Variants in TTC29 observed in about 807,000 individuals in gnomAD.
The protein encoded by TTC29 is tetratricopeptide repeat protein 29.
TTC29 carries 49 observed loss-of-function variants against 58.1 expected under a neutral mutation model. That is an observed-to-expected ratio of 0.84 (90% confidence interval 0.67 to 1.07). TTC29 has a LOEUF of 1.07. Ranked by LOEUF, TTC29 falls within the 50% of genes least tolerant of loss-of-function variation. The probability of loss-of-function intolerance (pLI) is 0.00; values close to 1 mark genes in which losing one functional copy is unlikely to be tolerated. For missense variants in TTC29, 582 were observed against 555.6 expected (o/e 1.05, Z -0.48); for synonymous variants, 209 against 196.8 (o/e 1.06, Z -0.52).
chr4:146,838,138 G>C (rs1728632016), intron 8 of TTC29, among the ~76,000 whole-genome samples: 1 of 151,854 alleles, frequency 6.6e-6, no homozygotes, highest in South Asian at 2.1e-4. Flanking sequence ...TTACCAAAAT[G>C]AAATAGATGT....
intron 8 of TTC29, among the ~76,000 whole-genome samples, chr4:146,834,740 G>C (rs1181164455): frequency 6.6e-6 from 1 of 152,130 alleles, no homozygotes; most frequent in Non-Finnish European, 1.5e-5. Context: ...GTCAGTGTGA[G>C]GGACGACATA....
chr4:146,816,695 C>A (rs2150135300), intron 10 of TTC29, among the ~76,000 whole-genome samples: 1 of 151,622 alleles, frequency 6.6e-6, no homozygotes, highest in African/African-American at 2.4e-5. Flanking sequence ...AGAGGGGAGG[C>A]AAATGAGCCC....
At chr4:146,923,409 T>C (rs1734725608) in intron 4 of TTC29, among the ~76,000 whole-genome samples, 1 of 151,652 alleles carries the variant, frequency 6.6e-6, no homozygotes, top group Non-Finnish European at 1.5e-5. Flanking sequence ...GGAAGAATAG[T>C]TCAAAATAGA....
intron 9 of TTC29, among the ~76,000 whole-genome samples, chr4:146,828,151 A>G (rs1040778855): frequency 1.1e-4 from 17 of 152,150 alleles, no homozygotes; most frequent in Non-Finnish European, 1.0e-4. Flanking sequence ...ACATATAGGC[A>G]TAGGTCAATT....
At chr4:146,879,220 T>C (rs1731464782) in intron 6 of TTC29, among the ~76,000 whole-genome samples, 1 of 152,180 alleles carries the variant, frequency 6.6e-6, no homozygotes, top group Admixed American at 6.6e-5. Context: ...GCATATATTA[T>C]GATATAGTAG....
At chr4:146,854,359 A>G (rs1263336567) in intron 8 of TTC29, among the ~76,000 whole-genome samples, 4 of 152,174 alleles carry the variant, frequency 2.6e-5, no homozygotes, top group Non-Finnish European at 5.9e-5. Context: ...ATGTCCAAAA[A>G]TGTGTATTTG....
At chr4:146,786,951 CA>C (rs1176159542) in intron 11 of TTC29, among the ~76,000 whole-genome samples, 1 of 149,516 alleles carries the variant, frequency 6.7e-6, no homozygotes. Context: ...CCACCTCTAC[CA>C]AAAAAAAAGA....
At chr4:146,728,804 C>T (rs113456212) in intron 11 of TTC29, among the ~76,000 whole-genome samples, 17 of 115,512 alleles carry the variant, frequency 1.5e-4, no homozygotes, top group East Asian at 4.5e-4. Flanking sequence ...CGTATATATA[C>T]ACATATATAT....
At chr4:146,884,280 C>T (rs1007767116) in intron 6 of TTC29, among the ~76,000 whole-genome samples, 6 of 152,158 alleles carry the variant, frequency 3.9e-5, no homozygotes, top group Middle Eastern at 3.4e-3. Flanking sequence ...TCTAGTTGGA[C>T]GCACCTTCGA....
chr4:146,809,978 G>T (rs1195666480), intron 10 of TTC29, among the ~76,000 whole-genome samples: 2 of 152,044 alleles, frequency 1.3e-5, no homozygotes, highest in Non-Finnish European at 2.9e-5. Flanking sequence ...GTTTATTGCA[G>T]CACTGTTCAC....
At chr4:146,898,023 T>G (rs1732893878) in intron 6 of TTC29, among the ~76,000 whole-genome samples, 1 of 152,122 alleles carries the variant, frequency 6.6e-6, no homozygotes, top group South Asian at 2.1e-4. Context: ...AATAAGTTGC[T>G]AAAGATGGGA....
In TTC29 at chr4:146,934,847, T is replaced by A. The variant is rs374157184; in HGVS notation, c.176+2747A>T. 2.6e-5 allele frequency among the ~76,000 whole-genome samples: 4 copies of A among 151,940 alleles called. No individual in the cohort carries two copies. In the East Asian group the frequency reaches 5.8e-4, roughly 22 times the overall value. ...GGAACAGAAACATAACTATTAGATG[T>A]GATAAAAATAGGGGTCATGGGTGAC... On this transcript the variant is annotated intron_variant, in intron 4 of 12. Transcript: ENST00000325106.
intron 11 of TTC29, among the ~76,000 whole-genome samples, chr4:146,753,913 G>T (rs1418642046): frequency 2.0e-5 from 3 of 151,990 alleles, no homozygotes; most frequent in African/African-American, 7.3e-5. Flanking sequence ...GTGGGGTGGG[G>T]GAAGGGGGGA....
At chr4:146,816,793 A>G (rs1274752566) in intron 10 of TTC29, among the ~76,000 whole-genome samples, 1 of 152,214 alleles carries the variant, frequency 6.6e-6, no homozygotes, top group East Asian at 1.9e-4. Flanking sequence ...CTAAAGAAAT[A>G]TTAGTTTCAC....
chr4:146,887,851 A>ATTCTTCCTTCT (rs1732090824), intron 6 of TTC29, among the ~76,000 whole-genome samples: 1 of 152,068 alleles, frequency 6.6e-6, no homozygotes, highest in Non-Finnish European at 1.5e-5. Flanking sequence ...CCAGAGAACA[A>ATTCTTCCTTCT]TTCTTCCTTC....
intron 8 of TTC29, among the ~76,000 whole-genome samples, chr4:146,867,183 CA>C (rs1255168707): frequency 6.6e-6 from 1 of 151,988 alleles, no homozygotes; most frequent in Admixed American, 6.6e-5. Context: ...TACTTTTTAC[CA>C]TCACTTAAAC....
intron 11 of TTC29, among the ~76,000 whole-genome samples, chr4:146,800,771 T>C (rs1381628964): frequency 6.6e-6 from 1 of 152,226 alleles, no homozygotes; most frequent in African/African-American, 2.4e-5. Flanking sequence ...ACCTAGTAGA[T>C]GCCAAACATC....
At chr4:146,810,367 A>ATGTTCTG (rs1750931687) in intron 10 of TTC29, among the ~76,000 whole-genome samples, 1 of 152,146 alleles carries the variant, frequency 6.6e-6, no homozygotes, top group African/African-American at 2.4e-5. Flanking sequence ...ACAAACCTGT[A>ATGTTCTG]TGTTCTGCAC....
At chr4:146,884,028 A>T (rs971287054) in intron 6 of TTC29, among the ~76,000 whole-genome samples, 4 of 152,122 alleles carry the variant, frequency 2.6e-5, no homozygotes, top group Non-Finnish European at 5.9e-5. Context: ...TGATTCTTTA[A>T]CATAGATCAA....
Sources: allele counts gnomAD v4.1 joint callset (sites outside exome capture counted in the v4.1 genomes callset), GRCh38; gene constraint gnomAD v4.1.1; transcripts MANE v1.5; gene names NCBI Gene and HGNC (gene_info 2026-07-23, HGNC 2026-07-21).